The following ARHGAP24 variants were observed in gnomAD, a reference collection of about 807,000 sequenced individuals.
The protein encoded by ARHGAP24 is rho GTPase-activating protein 24.
In ARHGAP24, 50 loss-of-function variants were observed where a neutral mutation model predicts 76.4. That is an observed-to-expected ratio of 0.65 (90% CI 0.52 to 0.83). The LOEUF (loss-of-function observed/expected upper bound fraction) is 0.83, where lower values mean the gene tolerates loss of function less well. ARHGAP24 is among the 40% of genes least tolerant of loss of function. The pLI is 0.00. For missense variants in ARHGAP24, 930 were observed against 914.2 expected (o/e 1.02, Z -0.22); for synonymous variants, 345 against 323.3 (o/e 1.07, Z -0.72).
At chr4:85,967,467 C>T (rs1738686518) in intron 5 of ARHGAP24, among the ~76,000 whole-genome samples, 2 of 152,096 alleles carry the variant, frequency 1.3e-5, no homozygotes, top group African/African-American at 4.8e-5. Flanking sequence ...TCATAGGAAG[C>T]CTCATGTAAT....
At chr4:85,496,104 A>G (rs1016138727) in intron 1 of ARHGAP24, among the ~76,000 whole-genome samples, 4 of 152,190 alleles carry the variant, frequency 2.6e-5, no homozygotes, top group African/African-American at 9.7e-5. Flanking sequence ...AGTGATTACA[A>G]AGTTCTGTTT....
intron 2 of ARHGAP24, among the ~76,000 whole-genome samples, chr4:85,665,362 G>A (rs911152308): frequency 6.6e-6 from 1 of 151,964 alleles, no homozygotes; most frequent in African/African-American, 2.4e-5. Flanking sequence ...TTTTCCATCT[G>A]CTTGGTAGAT....
intron 1 of ARHGAP24, among the ~76,000 whole-genome samples, chr4:85,478,098 A>T (rs1051745362): frequency 2.0e-5 from 3 of 152,180 alleles, no homozygotes; most frequent in Admixed American, 2.0e-4. Context: ...AATTGGTTAC[A>T]TGTGGGTGTG....
intron 3 of ARHGAP24, among the ~76,000 whole-genome samples, chr4:85,908,628 AAAG>A (rs1734904106): frequency 6.6e-6 from 1 of 152,168 alleles, no homozygotes; most frequent in African/African-American, 2.4e-5. Flanking sequence ...ATTACTTACT[AAAG>A]TGTAATAATA....
At chr4:85,791,764 C>T (rs895221679) in intron 3 of ARHGAP24, among the ~76,000 whole-genome samples, 2 of 152,150 alleles carry the variant, frequency 1.3e-5, no homozygotes, top group African/African-American at 4.8e-5. Context: ...TGTTGTAGAA[C>T]TGCTTGTTAG....
intron 3 of ARHGAP24, among the ~76,000 whole-genome samples, chr4:85,867,990 A>G (rs1901678): frequency 0.95 from 143,439 of 150,584 alleles, 68,775 homozygotes; most frequent in East Asian, 1. Flanking sequence ...CCAAGGTGAA[A>G]GATCATGACC....
chr4:85,525,707 A>G (rs562798411), intron 1 of ARHGAP24, among the ~76,000 whole-genome samples: 1 of 152,154 alleles, frequency 6.6e-6, no homozygotes, highest in Non-Finnish European at 1.5e-5. Flanking sequence ...TTCCAGAAGA[A>G]GAGATGATAT....
Position 85,956,455 on chromosome 4 carries a change from G to T in ARHGAP24, c.599+14182G>T, listed in dbSNP as rs576428718. Among the ~76,000 whole-genome samples the T allele has an allele frequency of 9.9e-5, 15 of 152,268 alleles. No homozygotes were observed. The East Asian group carries it at 2.9e-3, about 29-fold the overall frequency. On this transcript the variant is annotated intron_variant, in intron 5 of 9. Coordinates refer to ENST00000395184, the MANE Select transcript of ARHGAP24 (RefSeq NM_001025616.3). ...AGAGCTCCCAAGATGGAGGTGGGCC[G>T]CTTCCAAAATGGTGGCGGGCCACTT...
Position 85,871,955 on chromosome 4 carries a change from T to C in ARHGAP24, c.269-51693T>C, listed in dbSNP as rs774909188. Among the ~76,000 whole-genome samples, 42 of 151,910 alleles carry C rather than the reference T, an allele frequency of 2.8e-4. No individual in the cohort carries two copies. In the Middle Eastern group the frequency reaches 0.01, roughly 37 times the overall value. ...GGTTTTCATTTAAAAAGAATAACTA[T>C]TGCCAATATTTTAAAACACTTATTT... On this transcript the variant is annotated intron_variant, in intron 3 of 9. Coordinates refer to ENST00000395184, the MANE Select transcript of ARHGAP24 (RefSeq NM_001025616.3).
intron 2 of ARHGAP24, among the ~76,000 whole-genome samples, chr4:85,619,910 A>G (rs770447304): frequency 6.6e-6 from 1 of 151,840 alleles, no homozygotes; most frequent in African/African-American, 2.4e-5. Flanking sequence ...ATCTGCATCT[A>G]TTGAAATGAT....
intron 3 of ARHGAP24, among the ~76,000 whole-genome samples, chr4:85,752,562 T>A (rs1422969686): frequency 6.6e-6 from 1 of 152,230 alleles, no homozygotes; most frequent in East Asian, 1.9e-4. Context: ...AGCACTTTTT[T>A]TACAGATGAG....
chr4:85,690,025 G>T (rs764514884), intron 2 of ARHGAP24, among the ~76,000 whole-genome samples: 3 of 151,986 alleles, frequency 2.0e-5, no homozygotes, highest in Non-Finnish European at 1.5e-5. Context: ...TTTATTTTGA[G>T]GTGTTCCTTC....
chr4:85,598,860 A>G (rs187318619), intron 2 of ARHGAP24, among the ~76,000 whole-genome samples: 3 of 151,516 alleles, frequency 2.0e-5, no homozygotes, highest in East Asian at 3.9e-4. Context: ...TTTGAGCCCT[A>G]TATTAAATTT....
At chr4:85,850,017 G>T (rs1731128405) in intron 3 of ARHGAP24, among the ~76,000 whole-genome samples, 1 of 152,218 alleles carries the variant, frequency 6.6e-6, no homozygotes, top group Non-Finnish European at 1.5e-5. Flanking sequence ...AGTTTCAGAA[G>T]AAATGGTACC....
chr4:85,727,900 G>A (rs1560604447), intron 3 of ARHGAP24, among the ~76,000 whole-genome samples: 1 of 151,768 alleles, frequency 6.6e-6, no homozygotes, highest in African/African-American at 2.4e-5. Flanking sequence ...GAAAAGAAGA[G>A]GTGAACACAA....
At chr4:85,933,881 A>G (rs1736487933) in intron 4 of ARHGAP24, among the ~76,000 whole-genome samples, 1 of 152,170 alleles carries the variant, frequency 6.6e-6, no homozygotes, top group Non-Finnish European at 1.5e-5. Flanking sequence ...TCTTGGAGAT[A>G]AGTTATCATC....
intron 2 of ARHGAP24, among the ~76,000 whole-genome samples, chr4:85,638,832 T>C (rs771027927): frequency 1.9e-4 from 29 of 152,204 alleles, no homozygotes; most frequent in Non-Finnish European, 3.7e-4. Context: ...CTTAAGGAGA[T>C]GCTAGTGAGC....
intron 3 of ARHGAP24, among the ~76,000 whole-genome samples, chr4:85,848,737 G>A (rs1731037915): frequency 6.6e-6 from 1 of 152,110 alleles, no homozygotes; most frequent in African/African-American, 2.4e-5. Flanking sequence ...TGTCAGCTTT[G>A]TCAAAGATCA....
At chr4:85,629,801 A>T (rs1721100900) in intron 2 of ARHGAP24, among the ~76,000 whole-genome samples, 1 of 152,110 alleles carries the variant, frequency 6.6e-6, no homozygotes, top group Non-Finnish European at 1.5e-5. Context: ...GAATTTGATT[A>T]TAATATGTCT....
Sources: allele counts gnomAD v4.1 joint callset (sites outside exome capture counted in the v4.1 genomes callset), GRCh38; gene constraint gnomAD v4.1.1; transcripts MANE v1.5; gene names NCBI Gene and HGNC (gene_info 2026-07-23, HGNC 2026-07-21).